The following ANKRD30A variants were observed in gnomAD, a reference collection of about 807,000 sequenced individuals.
ANKRD30A encodes ankyrin repeat domain-containing protein 30A.
Under a neutral mutation model 166.3 loss-of-function variants are expected in ANKRD30A, and 170 were observed. The ratio of observed to expected loss-of-function variants is 1.02; its 90% CI spans 0.90 to 1.16. The LOEUF (loss-of-function observed/expected upper bound fraction) is 1.16. Ranked by LOEUF, ANKRD30A falls within the 50% of genes most tolerant of loss-of-function variation. The pLI, the probability that ANKRD30A is intolerant of heterozygous loss-of-function variation, is 0.00. For synonymous variants in ANKRD30A, 564 were observed against 508.9 expected, an observed-to-expected ratio of 1.11 and a Z score of -1.46; for missense variants, 1,630 against 1,518.0, an observed-to-expected ratio of 1.07 and a Z score of -1.23.
chr10:37,219,284 T>A lies in ANKRD30A; in HGVS notation c.3572T>A (p.Leu1191Gln), dbSNP rs777482814. ...KLKEKQDKEI[L>Q]EAEIESHHPR... The stretch of plus-strand genomic sequence containing the variant: ...AAGGAAAAACAAGACAAAGAAATAC[T>A]AGAGGCAGAAATTGAATCACACCAT... Residue 1191 changes from leucine (L) to glutamine (Q), a missense_variant, in exon 34 of 36, where the codon CTA (leucine) becomes CAA (glutamine). Leu to Gln is a moderately radical substitution (Grantham distance 113). Transcript: ENST00000361713. The A allele has an allele frequency of 6.2e-7, 1 of 1,610,392 alleles. No individual in the cohort carries two copies. The highest frequency in any genetic ancestry group is 8.5e-7 in the Non-Finnish European group (1 of 1,177,596).
intron 29 of ANKRD30A, 87 bp downstream of exon 29, chr10:37,197,567 T>G: frequency 6.3e-7 from 1 of 1,588,992 alleles, no homozygotes; most frequent in Non-Finnish European, 8.6e-7. Flanking sequence ...CTTTATTTTT[T>G]TCAACTTTGA....
intron 34 of ANKRD30A, among the ~76,000 whole-genome samples, chr10:37,221,438 G>A (rs1037033420): frequency 1.3e-5 from 2 of 151,056 alleles, no homozygotes; most frequent in East Asian, 1.9e-4. Context: ...ATGAGATACA[G>A]GATTTAATGA....
chr10:37,193,165 T>C, intron 26 of ANKRD30A, 21 bp from the exon 27 acceptor site: 1 of 1,611,240 alleles, frequency 6.2e-7, no homozygotes, highest in African/African-American at 1.3e-5. Flanking sequence ...TATTAATTGT[T>C]TTGTTTCTAA....
intron 30 of ANKRD30A, 106 bp from the exon 31 acceptor site, chr10:37,201,129 C>CAA (rs1225821754): frequency 6.7e-6 from 6 of 898,628 alleles, no homozygotes; most frequent in African/African-American, 5.5e-5. Flanking sequence ...GAATTGCTTG[C>CAA]AAAATAGGAC....
chr10:37,206,025 G>A (rs1193701308), intron 31 of ANKRD30A, among the ~76,000 whole-genome samples: 1 of 152,110 alleles, frequency 6.6e-6, no homozygotes, highest in African/African-American at 2.4e-5. Flanking sequence ...AAGAGGAGAA[G>A]AAAGAGGTTA....
chr10:37,194,422 G>A (rs1444267800), intron 27 of ANKRD30A, among the ~76,000 whole-genome samples: 1 of 151,010 alleles, frequency 6.6e-6, no homozygotes, highest in Non-Finnish European at 1.5e-5. Context: ...GCTCATGCAA[G>A]CTCTGCCTCC....
In ANKRD30A at chr10:37,199,710, T is replaced by C; in HGVS notation, c.2717-17T>C. On this transcript the variant is annotated splice_polypyrimidine_tract_variant and intron_variant, in intron 29 of 35. Coordinates refer to ENST00000361713, the MANE Select transcript of ANKRD30A (RefSeq NM_052997.3). ...AGAAATGTTCTCATGAATGTATCTG[T>C]GATTAACCTTTTATAGATCAGATGT... 1 of 1,507,560 alleles carries C rather than the reference T, an allele frequency of 6.6e-7. No individual in the cohort carries two copies. Among genetic ancestry groups the C allele is most frequent in the African/African-American group, 1.4e-5 (1 of 72,214 alleles). The allele number at this position is 1,507,560 out of a possible 1,614,324, so 93.4% of individuals were successfully genotyped here.
the ANKRD30A span, among the ~76,000 whole-genome samples, chr10:37,261,685 A>G: frequency 2.6e-5 from 4 of 152,212 alleles, no homozygotes; most frequent in African/African-American, 9.6e-5. Flanking sequence ...TAGACAGACT[A>G]TAAGATGCAA....
At chr10:37,190,795 T>C (rs1840493614) in intron 25 of ANKRD30A, among the ~76,000 whole-genome samples, 1 of 151,734 alleles carries the variant, frequency 6.6e-6, no homozygotes, top group South Asian at 2.1e-4. Flanking sequence ...TTAATAATCT[T>C]TATTAATATG....
chr10:37,255,018 A>G, the ANKRD30A span, among the ~76,000 whole-genome samples: 3 of 152,024 alleles, frequency 2.0e-5, no homozygotes, highest in Admixed American at 1.3e-4. Flanking sequence ...CCTTTGAAGG[A>G]CAAATGTTCT....
rs923296084 is a variant in ANKRD30A at position 37,125,624 on chromosome 10, G to A, written c.-164G>A. On this transcript the variant is annotated 5_prime_UTR_variant, in exon 1 of 36. Transcript: ENST00000361713. ...GCTCTGCTCAGCGCGATTCTACTGA[G>A]AGAGGCCTGAGTGTGCAAGAGCTTG... Among the ~76,000 whole-genome samples, 3 of 152,026 alleles carry A rather than the reference G, an allele frequency of 2.0e-5. No homozygotes were observed. The highest frequency in any genetic ancestry group is 4.4e-5 in the Non-Finnish European group (3 of 67,988).
chr10:37,263,183 T>G, the ANKRD30A span, among the ~76,000 whole-genome samples: 36 of 151,310 alleles, frequency 2.4e-4, no homozygotes, highest in Non-Finnish European at 2.2e-4. Context: ...GCCTGATATT[T>G]AAATGCTCTG....
chr10:37,211,015 A>T lies in ANKRD30A; in HGVS notation c.2870-5166A>T, dbSNP rs564030236. 6.6e-3 allele frequency among the ~76,000 whole-genome samples: 999 copies of T among 151,844 alleles called. 11 individuals carry two copies. The highest frequency in any genetic ancestry group is 0.023 in the African/African-American group (959 of 41,446). On this transcript the variant is annotated intron_variant, in intron 31 of 35. Transcript: ENST00000361713. ...TTTGGCTTTTGTTGCCATTGCTTTT[A>T]GTGTTTTAGTCATGAAGTCTTTCCC...
chr10:37,263,578 G>A, the ANKRD30A span, among the ~76,000 whole-genome samples: 3 of 151,868 alleles, frequency 2.0e-5, no homozygotes, highest in South Asian at 2.1e-4. Context: ...TAGGTCCTTC[G>A]CATGCGCAGT....
intron 12 of ANKRD30A, among the ~76,000 whole-genome samples, chr10:37,152,913 A>G (rs17606073): frequency 4.6e-5 from 7 of 152,268 alleles, no homozygotes; most frequent in South Asian, 4.1e-4. Flanking sequence ...TTATTAGACA[A>G]AAAGACTTTA....
downstream of ANKRD30A, chr10:37,232,697 T>TATATATATATATAG (rs1273812991): frequency 6.4e-5 from 5 of 78,400 alleles, no homozygotes; most frequent in Non-Finnish European, 1.2e-4. Context: ...TATATATAAA[T>TATATATATATATAG]AGAGAGAGAG....
At chr10:37,192,932 AC>A in intron 25 of ANKRD30A, 131 bp from the exon 26 acceptor site, 15 of 1,473,488 alleles carry the variant, frequency 1.0e-5, no homozygotes, top group African/African-American at 1.4e-5. Context: ...AACCCAAAAG[AC>A]CCCAAAAGCT....
the ANKRD30A span, among the ~76,000 whole-genome samples, chr10:37,251,111 T>C: frequency 6.6e-6 from 1 of 152,084 alleles, no homozygotes; most frequent in Admixed American, 6.5e-5. Context: ...AGTCACCTGG[T>C]AAGATTTGCT....
At chr10:37,193,695 A>T (rs984276471) in intron 27 of ANKRD30A, among the ~76,000 whole-genome samples, 32 of 152,064 alleles carry the variant, frequency 2.1e-4, no homozygotes, top group African/African-American at 6.8e-4. Context: ...TTTTTTTATT[A>T]GATGACTGTG....
Sources: allele counts gnomAD v4.1 joint callset (sites outside exome capture counted in the v4.1 genomes callset), GRCh38; gene constraint gnomAD v4.1.1; transcripts MANE v1.5; gene names NCBI Gene and HGNC (gene_info 2026-07-23, HGNC 2026-07-21).